TM9SF2: variants seen among roughly 807,000 people sequenced by gnomAD.
TM9SF2 encodes the protein transmembrane 9 superfamily member 2.
A neutral mutation model predicts 84.9 loss-of-function variants in TM9SF2; 13 were observed. The observed-to-expected ratio is 0.15, with a 90% CI of 0.10 to 0.24. TM9SF2 has a LOEUF of 0.24. TM9SF2 is among the 10% of genes least tolerant of loss of function. The pLI is 1.00. For synonymous variants in TM9SF2, 273 were observed against 285.8 expected (o/e 0.96, Z 0.45); for missense variants, 562 against 818.5 (o/e 0.69, Z 3.82).
chr13:99,555,417 G>A, intron 14 of TM9SF2, 119 bp from the exon 15 acceptor site: 1 of 718,310 alleles, frequency 1.4e-6, no homozygotes, highest in Non-Finnish European at 2.3e-6. Context: ...AATTCGTCTT[G>A]TTTGGTTAGT....
chr13:99,559,593 T>C, intron 16 of TM9SF2, 59 bp downstream of exon 16: 5 of 1,436,270 alleles, frequency 3.5e-6, no homozygotes, highest in South Asian at 2.7e-5. Flanking sequence ...AAATAACTTA[T>C]AAATGTTTGT....
At chr13:99,536,774 C>G in intron 5 of TM9SF2, 37 bp downstream of exon 5, 1 of 1,606,810 alleles carries the variant, frequency 6.2e-7, no homozygotes, top group Non-Finnish European at 8.5e-7. Flanking sequence ...CTTTTTAAAA[C>G]ATGGCTTTTG....
At chr13:99,552,591 A>ACGTT (rs1555341063) in intron 13 of TM9SF2, among the ~76,000 whole-genome samples, 1 of 151,028 alleles carries the variant, frequency 6.6e-6, no homozygotes, top group African/African-American at 2.4e-5. Flanking sequence ...ACTAATGAAA[A>ACGTT]CATTCATTCA....
In TM9SF2 at chr13:99,525,311, A is replaced by G. The variant is rs184281696; in HGVS notation, c.334-4156A>G. Among the ~76,000 whole-genome samples, 185 of 152,130 alleles carry G rather than the reference A, an allele frequency of 1.2e-3. 1 individual carries two copies. Among genetic ancestry groups the G allele is most frequent in the Non-Finnish European group, 1.2e-4 (8 of 67,958 alleles). On this transcript the variant is annotated intron_variant, in intron 3 of 16. Transcript: ENST00000376387. ...GGCTTGAGTGCAGTGTTGTGATCTCAGCTCACTGCAACCTCCACCTCCGAG... is the reference window on the plus strand; with the variant it reads ...GGCTTGAGTGCAGTGTTGTGATCTCGGCTCACTGCAACCTCCACCTCCGAG...
chr13:99,528,264 C>T (rs2046192692), intron 3 of TM9SF2, among the ~76,000 whole-genome samples: 1 of 152,208 alleles, frequency 6.6e-6, no homozygotes, highest in African/African-American at 2.4e-5. Flanking sequence ...TTCTCCGGAG[C>T]TCAACTCACT....
intron 10 of TM9SF2, among the ~76,000 whole-genome samples, chr13:99,545,670 G>A (rs527387363): frequency 6.6e-6 from 1 of 152,120 alleles, no homozygotes; most frequent in African/African-American, 2.4e-5. Context: ...AGGTCCAAGT[G>A]ATTCTTCTGC....
chr13:99,511,671 G>A (rs2046114228), intron 1 of TM9SF2, among the ~76,000 whole-genome samples: 4 of 152,202 alleles, frequency 2.6e-5, no homozygotes, highest in Admixed American at 2.6e-4. Flanking sequence ...TAAAAGTGCT[G>A]TGAAAGCTAA....
chr13:99,541,791 C>T (rs2046260723), intron 9 of TM9SF2, 124 bp downstream of exon 9: 2 of 571,212 alleles, frequency 3.5e-6, no homozygotes, highest in East Asian at 3.5e-5. Flanking sequence ...AAAACAAAAA[C>T]AAAAAAATTC....
chr13:99,512,250 C>T (rs2046116529), intron 1 of TM9SF2, among the ~76,000 whole-genome samples: 1 of 152,110 alleles, frequency 6.6e-6, no homozygotes, highest in African/African-American at 2.4e-5. Flanking sequence ...TATTGTGTGC[C>T]AATTATGGAC....
intron 9 of TM9SF2, 107 bp from the exon 10 acceptor site, chr13:99,543,756 T>TA (rs887122670): frequency 4.4e-5 from 64 of 1,441,356 alleles, no homozygotes; most frequent in African/African-American, 2.0e-4. Context: ...TTTTTAAGTT[T>TA]AAAAAAAACC....
chr13:99,562,766 C>T lies in TM9SF2; in HGVS notation c.*8C>T, dbSNP rs1566575924. 1.6e-5 allele frequency: 25 copies of T among 1,610,702 alleles called. No individual in the cohort carries two copies. Among genetic ancestry groups the T allele is most frequent in the Non-Finnish European group, 2.0e-5 (23 of 1,178,684 alleles). On this transcript the variant is annotated 3_prime_UTR_variant, in exon 17 of 17. Coordinates refer to ENST00000376387, the MANE Select transcript of TM9SF2 (RefSeq NM_004800.3). ...GTGGTGAAGGTTGACTGAAGAAGTC[C>T]AGTGTGTCCAGTTAAAACAGAAATA... is the stretch of plus-strand genomic sequence containing the variant.
At position 99,536,684 on chromosome 13, in the gene TM9SF2, A is replaced by C; in HGVS notation, c.538A>C (p.Ile180Leu). Residue 180 changes from isoleucine to leucine, a missense_variant, in exon 5 of 17, where the codon ATT becomes CTT. Physicochemically the swap from Ile to Leu is conservative, Grantham distance 5 (BLOSUM62 2). This residue lies in a region of TM9SF2 where 267 missense variants were observed against 316.7 expected (regional missense o/e 0.84). Transcript: ENST00000376387. ...GQRFCNPGFP[I>L]GCYITDKGHA... ...GAGGTTCTGTAATCCTGGATTTCCT[A>C]TTGGCTGTTACATTACAGATAAAGG... 1 of 1,613,712 alleles carries C rather than the reference A, an allele frequency of 6.2e-7. No individual in the cohort carries two copies. Among genetic ancestry groups the C allele is most frequent in the East Asian group, 2.2e-5 (1 of 44,842 alleles).
At chr13:99,549,022 CAT>C (rs1377248983) in intron 11 of TM9SF2, 141 bp from the exon 12 acceptor site, 5 of 601,782 alleles carry the variant, frequency 8.3e-6, no homozygotes, top group Non-Finnish European at 1.4e-5. Context: ...AAAGGAATAT[CAT>C]ATTATATTTG....
intron 3 of TM9SF2, 103 bp downstream of exon 3, chr13:99,520,232 C>A: frequency 2.1e-6 from 2 of 949,772 alleles, no homozygotes; most frequent in Non-Finnish European, 3.1e-6. Context: ...AGGAGGAGTT[C>A]ATTTCTCTTT....
chr13:99,518,264 A>G (rs2046143376), intron 2 of TM9SF2, among the ~76,000 whole-genome samples: 1 of 152,186 alleles, frequency 6.6e-6, no homozygotes, highest in African/African-American at 2.4e-5. Context: ...GATGCATGCC[A>G]CCACGTCTGG....
At chr13:99,506,910 C>G (rs769640938) in intron 1 of TM9SF2, among the ~76,000 whole-genome samples, 5 of 152,152 alleles carry the variant, frequency 3.3e-5, no homozygotes, top group Admixed American at 6.5e-5. Context: ...ATTTTAGCTG[C>G]TTTACATGTA....
In TM9SF2 at chr13:99,554,457, T is replaced by G; in HGVS notation, c.1640+2T>G. The G allele has an allele frequency of 6.2e-7, 1 of 1,613,694 alleles. No individual in the cohort carries two copies. The highest frequency in any genetic ancestry group is 2.2e-5 in the East Asian group (1 of 44,864). On this transcript the variant is annotated splice_donor_variant, in intron 14 of 16. Coordinates refer to ENST00000376387, the MANE Select transcript of TM9SF2 (RefSeq NM_004800.3). LOFTEE classifies it high-confidence loss of function. Reference sequence around the variant, plus strand: ...TTTCTTCATTCTGAATAGTATTTGGTAAGCTAAGGATAAAGTCCTCTCATT... The same window carrying G: ...TTTCTTCATTCTGAATAGTATTTGGGAAGCTAAGGATAAAGTCCTCTCATT...
intron 16 of TM9SF2, among the ~76,000 whole-genome samples, chr13:99,560,735 G>T (rs1384359526): frequency 6.6e-6 from 1 of 152,104 alleles, no homozygotes; most frequent in Non-Finnish European, 1.5e-5. Flanking sequence ...AGGCTGGAGT[G>T]CAGTGGCGCG....
intron 14 of TM9SF2, among the ~76,000 whole-genome samples, 159 bp from the exon 15 acceptor site, chr13:99,555,377 C>T (rs771490025): frequency 3.3e-5 from 5 of 152,190 alleles, no homozygotes; most frequent in African/African-American, 7.2e-5. Flanking sequence ...TCCTCCCCTT[C>T]CCCACCCCAT....
Sources: allele counts gnomAD v4.1 joint callset (sites outside exome capture counted in the v4.1 genomes callset), GRCh38; gene constraint gnomAD v4.1.1; regional missense constraint gnomAD v4.1.1; transcripts MANE v1.5; gene names NCBI Gene and HGNC (gene_info 2026-07-23, HGNC 2026-07-21).